Variants in TAF3 observed in about 807,000 individuals in gnomAD.
TAF3 encodes the protein TATA-box binding protein associated factor 3, also known as transcription initiation factor TFIID subunit 3.
TAF3 carries 7 observed loss-of-function variants against 80.6 expected under a neutral mutation model. The observed-to-expected ratio is 0.09, with a 90% CI of 0.05 to 0.16. TAF3 has a LOEUF of 0.16. Ranked by LOEUF, TAF3 falls within the 10% of genes least tolerant of loss-of-function variation. The probability of loss-of-function intolerance (pLI) is 1.00; values close to 1 mark genes in which losing one functional copy is unlikely to be tolerated. For missense variants in TAF3, 921 were observed against 1,140.2 expected (o/e 0.81, Z 2.77); for synonymous variants, 444 against 446.1 (o/e 1.00, Z 0.06).
chr10:7,983,749 G>A (rs1231700877), intron 4 of TAF3, among the ~76,000 whole-genome samples: 1 of 152,140 alleles, frequency 6.6e-6, no homozygotes, highest in Admixed American at 6.5e-5. Flanking sequence ...TGAGGCAAGA[G>A]GATTGATTGA....
At chr10:7,996,064 C>G (rs1831884335) in intron 4 of TAF3, among the ~76,000 whole-genome samples, 1 of 152,174 alleles carries the variant, frequency 6.6e-6, no homozygotes, top group Non-Finnish European at 1.5e-5. Flanking sequence ...AAATCGAACA[C>G]CTGGTGTGTT....
intron 2 of TAF3, among the ~76,000 whole-genome samples, chr10:7,846,797 A>G (rs558915296): frequency 2.0e-5 from 3 of 152,312 alleles, no homozygotes; most frequent in South Asian, 2.1e-4. Flanking sequence ...ATTCATCATT[A>G]CTCATCAGTT....
chr10:7,859,094 C>G (rs1367182519), intron 2 of TAF3, among the ~76,000 whole-genome samples: 4 of 151,924 alleles, frequency 2.6e-5, no homozygotes, highest in African/African-American at 9.7e-5. Flanking sequence ...AACCCCGTCT[C>G]TACTAAAAAT....
intron 2 of TAF3, among the ~76,000 whole-genome samples, chr10:7,901,944 T>C (rs1320043943): frequency 6.6e-6 from 1 of 152,162 alleles, no homozygotes; most frequent in Non-Finnish European, 1.5e-5. Context: ...TTGGCTTTCT[T>C]CCCTTTGAAC....
At chr10:7,988,046 T>C (rs1024753677) in intron 4 of TAF3, among the ~76,000 whole-genome samples, 1 of 152,220 alleles carries the variant, frequency 6.6e-6, no homozygotes, top group African/African-American at 2.4e-5. Context: ...ACCTGGGAAA[T>C]ATTATGAATT....
Position 7,964,454 on chromosome 10 carries a change from C to G in TAF3, c.944C>G (p.Ser315Cys). The G allele has an allele frequency of 6.2e-7, 1 of 1,613,754 alleles. No homozygotes were observed. Among genetic ancestry groups the G allele is most frequent in the Non-Finnish European group, 8.5e-7 (1 of 1,179,952 alleles). Reference sequence around the variant, plus strand: ...AAAGAAAAGAAATCACCTGGACGTTCCAAGAGCCCCAAGAGTCCCAAGAGC... The same window carrying G: ...AAAGAAAAGAAATCACCTGGACGTTGCAAGAGCCCCAAGAGTCCCAAGAGC... Reference protein sequence around the residue: ...VSKEKKSPGRSKSPKSPKSPK... With the variant: ...VSKEKKSPGRCKSPKSPKSPK... The change falls in exon 3 of 7, where the codon TCC (serine) becomes TGC (cysteine). Residue 315 changes from serine (S) to cysteine (C), a missense_variant. Ser to Cys is a moderately radical substitution (Grantham distance 112). Around this residue, in one of 6 missense-constraint regions of TAF3, gnomAD observed 743 missense variants for 821.0 expected, o/e 0.90. Transcript: ENST00000344293. This position sits in a 1 kb window ranked among gnomAD's most constrained non-coding sequence, Gnocchi z 4.1.
intron 2 of TAF3, among the ~76,000 whole-genome samples, chr10:7,913,559 C>A (rs1837677493): frequency 6.6e-6 from 1 of 152,194 alleles, no homozygotes; most frequent in Non-Finnish European, 1.5e-5. Flanking sequence ...GGGGAACTCA[C>A]CACCCAATCT....
intron 2 of TAF3, among the ~76,000 whole-genome samples, chr10:7,907,993 A>C (rs190203012): frequency 6.6e-6 from 1 of 152,112 alleles, no homozygotes; most frequent in African/African-American, 2.4e-5. Context: ...AGATACGTAG[A>C]AGAAGTTGGC....
At chr10:7,842,288 C>T (rs1836926696) in intron 2 of TAF3, among the ~76,000 whole-genome samples, 1 of 150,596 alleles carries the variant, frequency 6.6e-6, no homozygotes, top group Non-Finnish European at 1.5e-5. Flanking sequence ...GTCCTACCAC[C>T]AGCTGGGATC....
chr10:7,908,457 G>A (rs762919729), intron 2 of TAF3, among the ~76,000 whole-genome samples: 5 of 152,116 alleles, frequency 3.3e-5, no homozygotes, highest in Admixed American at 2.6e-4. Context: ...TCATGTGAGC[G>A]GCTGTGAAGA....
chr10:7,921,452 C>T (rs938491113), intron 2 of TAF3, among the ~76,000 whole-genome samples: 2 of 152,092 alleles, frequency 1.3e-5, no homozygotes, highest in Non-Finnish European at 2.9e-5. Context: ...TTTAAACTTT[C>T]TGAGCGGTGT....
chr10:7,923,900 T>C (rs1837790988), intron 2 of TAF3, among the ~76,000 whole-genome samples: 2 of 152,186 alleles, frequency 1.3e-5, no homozygotes, highest in African/African-American at 4.8e-5. Context: ...TATGAAGTTA[T>C]AATGGAACTG....
intron 5 of TAF3, among the ~76,000 whole-genome samples, chr10:8,013,519 TATC>T (rs1832073461): frequency 6.6e-6 from 1 of 152,238 alleles, no homozygotes; most frequent in Non-Finnish European, 1.5e-5. Context: ...AGAAATGCCT[TATC>T]ATTGAACACT....
chr10:7,983,451 C>G (rs1175112067), intron 4 of TAF3, among the ~76,000 whole-genome samples: 2 of 152,176 alleles, frequency 1.3e-5, no homozygotes, highest in Non-Finnish European at 2.9e-5. Context: ...CAAAAGGATA[C>G]TTTAGATGTA....
rs910574600 is a variant in TAF3, at chr10:7,964,428, C to T, written c.918C>T (p.Ser306=). 34 of 1,613,754 alleles carry T rather than the reference C, an allele frequency of 2.1e-5. No individual in the cohort carries two copies. The highest frequency in any genetic ancestry group is 2.7e-5 in the Non-Finnish European group (32 of 1,180,046). ...CTATTCGATCACCAAAAACTGTATCCAAAGAAAAGAAATCACCTGGACGTT... is the reference window on the plus strand; with the variant it reads ...CTATTCGATCACCAAAAACTGTATCTAAAGAAAAGAAATCACCTGGACGTT... ...GSPIRSPKTV[S]KEKKSPGRSK... Residue 306 remains serine, a synonymous_variant, in exon 3 of 7, where the codon TCC becomes TCT. Transcript: ENST00000344293. The surrounding 1 kb of genome is among the most constrained non-coding windows in gnomAD (Gnocchi z 4.1).
intron 2 of TAF3, among the ~76,000 whole-genome samples, chr10:7,854,275 T>G (rs1306586537): frequency 1.3e-5 from 2 of 152,228 alleles, no homozygotes; most frequent in Non-Finnish European, 2.9e-5. Context: ...CAAACATGCA[T>G]AGAGTTTCTA....
chr10:7,932,122 C>G (rs1837873951), intron 2 of TAF3, among the ~76,000 whole-genome samples: 1 of 152,118 alleles, frequency 6.6e-6, no homozygotes, highest in South Asian at 2.1e-4. Context: ...TAACTCGGAG[C>G]ATATTCAATA....
At chr10:7,962,595 A>G (rs542926449) in intron 2 of TAF3, among the ~76,000 whole-genome samples, 215 of 152,006 alleles carry the variant, frequency 1.4e-3, no homozygotes, top group African/African-American at 4.9e-3. Flanking sequence ...TTTCTCTTAC[A>G]CTCCCCGTGT....
chr10:7,983,876 A>G (rs1052903004), intron 4 of TAF3, among the ~76,000 whole-genome samples: 1 of 151,244 alleles, frequency 6.6e-6, no homozygotes, highest in Non-Finnish European at 1.5e-5. Context: ...ATAAATTTTT[A>G]AAAAGCAAAA....
Sources: allele counts gnomAD v4.1 joint callset (sites outside exome capture counted in the v4.1 genomes callset), GRCh38; gene constraint gnomAD v4.1.1; regional missense constraint gnomAD v4.1.1; non-coding constraint Gnocchi (gnomAD v3.1); transcripts MANE v1.5; gene names NCBI Gene and HGNC (gene_info 2026-07-23, HGNC 2026-07-21).